The following ANK2 variants were observed in gnomAD, a reference collection of about 807,000 sequenced individuals.
ANK2 encodes ankyrin-2.
A neutral mutation model predicts 360.5 loss-of-function variants in ANK2; 83 were observed. The observed-to-expected ratio is 0.23, with a 90% CI of 0.19 to 0.28. The LOEUF (loss-of-function observed/expected upper bound fraction) is 0.28, where lower values mean the gene tolerates loss of function less well. ANK2 is among the 10% of genes least tolerant of loss of function. The pLI is 1.00. For missense variants in ANK2, 4,201 were observed against 4,795.7 expected, an observed-to-expected ratio of 0.88 and a Z score of 3.66; for synonymous variants, 1,740 against 1,759.5, an observed-to-expected ratio of 0.99 and a Z score of 0.28.
intron 1 of ANK2, among the ~76,000 whole-genome samples, chr4:113,054,863 C>T (rs1214628199): frequency 1.3e-5 from 2 of 152,124 alleles, no homozygotes; most frequent in Admixed American, 1.3e-4. Context: ...TCTATTTACT[C>T]ACTTTTATGA....
chr4:113,232,312 C>A (rs2099317633), intron 5 of ANK2, 53 bp downstream of exon 5: 1 of 1,323,800 alleles, frequency 7.6e-7, no homozygotes, highest in Non-Finnish European at 1.1e-6. Context: ...TGTCCATATT[C>A]TTTATATCAG....
At chr4:113,319,593 A>G (rs2084873594) in intron 26 of ANK2, among the ~76,000 whole-genome samples, 1 of 151,944 alleles carries the variant, frequency 6.6e-6, no homozygotes, top group Non-Finnish European at 1.5e-5. Context: ...AACATATTTT[A>G]GTTAAAAATT....
chr4:112,719,056 G>A, the ANK2 span, among the ~76,000 whole-genome samples: 4 of 152,190 alleles, frequency 2.6e-5, no homozygotes, highest in Non-Finnish European at 5.9e-5. Flanking sequence ...AAATAAAGAT[G>A]CTTATACTAA....
chr4:113,373,967 C>A (rs528942162), intron 45 of ANK2, among the ~76,000 whole-genome samples: 1 of 152,200 alleles, frequency 6.6e-6, no homozygotes, highest in Non-Finnish European at 1.5e-5. Context: ...CTCTGTCACC[C>A]AGGCTGGAGA....
intron 1 of ANK2, among the ~76,000 whole-genome samples, chr4:113,091,561 A>G (rs1286742376): frequency 1.3e-5 from 2 of 152,248 alleles, no homozygotes; most frequent in Non-Finnish European, 2.9e-5. Flanking sequence ...TTTCTAAAAC[A>G]GAGAAATGAA....
chr4:113,039,712 G>A (rs1237525765), intron 2 of ANK2, among the ~76,000 whole-genome samples: 2 of 152,034 alleles, frequency 1.3e-5, no homozygotes, highest in Admixed American at 1.3e-4. Context: ...ATGCAACCTT[G>A]AGTAGGTAAC....
intron 2 of ANK2, among the ~76,000 whole-genome samples, chr4:113,185,487 T>C (rs113656555): frequency 1.6e-4 from 24 of 152,368 alleles, no homozygotes; most frequent in African/African-American, 4.8e-4. Context: ...TTTTTTCATA[T>C]GTTTGTTGGC....
intron 2 of ANK2, among the ~76,000 whole-genome samples, chr4:112,959,871 C>T (rs149553873): frequency 1.4e-4 from 22 of 152,192 alleles, no homozygotes; most frequent in African/African-American, 4.8e-4. Flanking sequence ...TGAGAAACTC[C>T]CTTCTTGAAA....
chr4:113,381,044 T>TA (rs1397089246), intron 45 of ANK2, among the ~76,000 whole-genome samples: 4 of 152,126 alleles, frequency 2.6e-5, no homozygotes, highest in Admixed American at 1.3e-4. Flanking sequence ...TCAAATAAAT[T>TA]AAAAAAAGGT....
intron 1 of ANK2, among the ~76,000 whole-genome samples, chr4:113,162,623 T>C (rs1052082053): frequency 2.2e-4 from 34 of 152,132 alleles, no homozygotes; most frequent in Non-Finnish European, 5.9e-5. Context: ...GTAAAACAAG[T>C]TTGTAAAACA....
At chr4:112,992,782 C>G (rs990428496) in intron 2 of ANK2, among the ~76,000 whole-genome samples, 1 of 152,132 alleles carries the variant, frequency 6.6e-6, no homozygotes, top group African/African-American at 2.4e-5. Flanking sequence ...AATACCATCA[C>G]ATTGTGCATT....
intron 1 of ANK2, among the ~76,000 whole-genome samples, chr4:113,075,434 C>G (rs1035204489): frequency 6.6e-6 from 1 of 152,074 alleles, no homozygotes; most frequent in Admixed American, 6.6e-5. Context: ...TCATTTTAGA[C>G]CTTGGTAATG....
intron 2 of ANK2, among the ~76,000 whole-genome samples, chr4:112,954,267 C>T (rs931050370): frequency 2.1e-5 from 3 of 142,124 alleles, no homozygotes; most frequent in African/African-American, 5.1e-5. Flanking sequence ...TCCTACCTTC[C>T]TTCCTTCCTT....
Position 113,243,804 on chromosome 4 carries a change from T to A in ANK2, c.891+1595T>A, listed in dbSNP as rs576708867. On this transcript the variant is annotated intron_variant, in intron 9 of 45. Transcript: ENST00000357077. ...TACAAACATACTTTACTAACATAAT[T>A]TCTTCCTATATACTGCCTTTATGAG... is the stretch of plus-strand genomic sequence containing the variant. Among the ~76,000 whole-genome samples, 3 of 152,302 alleles carry A rather than the reference T, an allele frequency of 2.0e-5. No individual in the cohort carries two copies. In the East Asian group the frequency reaches 5.8e-4, roughly 29 times the overall value.
chr4:113,247,749 C>T (rs774456820), intron 9 of ANK2, among the ~76,000 whole-genome samples: 8 of 152,166 alleles, frequency 5.3e-5, no homozygotes, highest in Non-Finnish European at 1.2e-4. Flanking sequence ...CTGCAGGGTT[C>T]CATGGTTCCG....
Position 113,106,175 on chromosome 4 carries a change from CA to C in ANK2, c.84+56366del, listed in dbSNP as rs1260725169. 9.2e-5 allele frequency among the ~76,000 whole-genome samples: 14 copies of C among 152,272 alleles called. No homozygotes were observed. The East Asian group carries it at 2.7e-3, about 29-fold the overall frequency. Reference sequence around the variant, plus strand: ...CCACTAAACACAAAAATATACACAGCAAATGTTAAAGTAGCCCTCTAAACCT... The same window carrying C: ...CCACTAAACACAAAAATATACACAGCAATGTTAAAGTAGCCCTCTAAACCT... On this transcript the variant is annotated intron_variant, in intron 1 of 45. Transcript: ENST00000357077.
At chr4:112,989,645 A>G (rs1490538782) in intron 2 of ANK2, among the ~76,000 whole-genome samples, 1 of 152,208 alleles carries the variant, frequency 6.6e-6, no homozygotes, top group Non-Finnish European at 1.5e-5. Context: ...CTGCAGCCTC[A>G]TAGTGTATCT....
chr4:112,967,720 G>A (rs1053951257), intron 2 of ANK2, among the ~76,000 whole-genome samples: 5 of 152,102 alleles, frequency 3.3e-5, no homozygotes, highest in Admixed American at 3.3e-4. Flanking sequence ...TTTTATTTTA[G>A]CTGGATCCTT....
chr4:113,171,669 A>C (rs947787471), intron 1 of ANK2, among the ~76,000 whole-genome samples: 1 of 152,174 alleles, frequency 6.6e-6, no homozygotes, highest in Non-Finnish European at 1.5e-5. Context: ...CCTTCAGAAC[A>C]CTGGGAGCAT....
Sources: gnomAD v4.1 joint callset for allele counts (sites outside exome capture counted in the v4.1 genomes callset) on GRCh38, gnomAD v4.1.1 for gene constraint, MANE v1.5 for transcripts, NCBI Gene and HGNC (gene_info 2026-07-23, HGNC 2026-07-21) for gene names.